Variants in SLIT2 observed in about 807,000 individuals in gnomAD.
SLIT2 encodes the protein slit homolog 2 protein.
SLIT2 carries 41 observed loss-of-function variants against 185.7 expected under a neutral mutation model. The ratio of observed to expected loss-of-function variants is 0.22; its 90% CI spans 0.17 to 0.29. The LOEUF (loss-of-function observed/expected upper bound fraction) is 0.29. Ranked by LOEUF, SLIT2 falls within the 10% of genes least tolerant of loss-of-function variation. The pLI, the probability that SLIT2 is intolerant of heterozygous loss-of-function variation, is 1.00. For synonymous variants in SLIT2, 693 were observed against 680.2 expected (o/e 1.02, Z -0.29); for missense variants, 1,571 against 1,909.0 (o/e 0.82, Z 3.30).
intron 4 of SLIT2, among the ~76,000 whole-genome samples, chr4:20,463,500 T>TGTGTGTGTGC (rs1323697561): frequency 8.1e-6 from 1 of 123,636 alleles, no homozygotes; most frequent in African/African-American, 3.0e-5. Flanking sequence ...TATGTGTGTG[T>TGTGTGTGTGC]GCGTATATCC....
chr4:20,263,740 T>C (rs1002735567), intron 3 of SLIT2, among the ~76,000 whole-genome samples: 8 of 151,906 alleles, frequency 5.3e-5, no homozygotes, highest in African/African-American at 1.9e-4. Context: ...ATAATCATTA[T>C]ATCTCATAGT....
chr4:20,274,570 G>A (rs16869465), intron 4 of SLIT2, among the ~76,000 whole-genome samples: 5,657 of 152,166 alleles, frequency 0.037, 271 homozygotes, highest in East Asian at 0.1. Flanking sequence ...CAGATCTAGT[G>A]TTGATGGTTT....
At chr4:20,461,534 C>CT (rs1054282667) in intron 4 of SLIT2, among the ~76,000 whole-genome samples, 12 of 152,094 alleles carry the variant, frequency 7.9e-5, no homozygotes, top group African/African-American at 2.4e-4. Flanking sequence ...AGATATGGCT[C>CT]TAAGAAGGCA....
Position 20,528,021 on chromosome 4 carries a change from C to A in SLIT2, c.1463-928C>A, listed in dbSNP as rs1048551947. 6.6e-6 allele frequency among the ~76,000 whole-genome samples: 1 copy of A among 152,032 alleles called. No homozygotes were observed. The highest frequency in any genetic ancestry group is 1.9e-4 in the East Asian group (1 of 5,168). ...CCTTGTAGCTCACCTTCAACTTCTTCCTGGATGTTGTTCCCGAAAGCTGTT... is the reference window on the plus strand; with the variant it reads ...CCTTGTAGCTCACCTTCAACTTCTTACTGGATGTTGTTCCCGAAAGCTGTT... On this transcript the variant is annotated intron_variant, in intron 15 of 36. Coordinates refer to ENST00000504154, the MANE Select transcript of SLIT2 (RefSeq NM_004787.4). This position sits in a 1 kb window ranked among gnomAD's most constrained non-coding sequence, Gnocchi z 4.2.
At chr4:20,541,334 A>G in intron 19 of SLIT2, 119 bp from the exon 20 acceptor site, 1 of 778,654 alleles carries the variant, frequency 1.3e-6, no homozygotes, top group African/African-American at 1.7e-5. Context: ...GGGACAGGGA[A>G]TGCAAAGAAG....
At chr4:20,558,434 A>G (rs1396803826) in intron 26 of SLIT2, among the ~76,000 whole-genome samples, 1 of 152,058 alleles carries the variant, frequency 6.6e-6, no homozygotes, top group African/African-American at 2.4e-5. Flanking sequence ...GATCATTCAC[A>G]TTTTTTAGCA....
At chr4:20,513,182 AC>A (rs1250849279) in intron 11 of SLIT2, among the ~76,000 whole-genome samples, 1 of 152,204 alleles carries the variant, frequency 6.6e-6, no homozygotes, top group Non-Finnish European at 1.5e-5. Context: ...CTTTATCTTT[AC>A]TTGCAGATAA....
intron 33 of SLIT2, 107 bp from the exon 34 acceptor site, chr4:20,609,906 G>GATTGCC: frequency 9.6e-7 from 1 of 1,044,700 alleles, no homozygotes; most frequent in East Asian, 2.6e-5. Context: ...ATTAGTGTTA[G>GATTGCC]ATTGCCATCT....
chr4:20,488,967 G>C lies in SLIT2; in HGVS notation c.760G>C (p.Glu254Gln), dbSNP rs760099561. 1 of 1,611,370 alleles carries C rather than the reference G, an allele frequency of 6.2e-7. No homozygotes were observed. The highest frequency in any genetic ancestry group is 1.1e-5 in the South Asian group (1 of 90,824). Residue 254 changes from glutamate to glutamine, a missense_variant, in exon 8 of 37, where the codon GAA becomes CAA. By Grantham distance (29) the Glu-to-Gln change is conservative (BLOSUM62 2). Coordinates refer to ENST00000504154, the MANE Select transcript of SLIT2 (RefSeq NM_004787.4). ...TAATGTAGCCGAGGTTCAAAAACGA[G>C]AATTTGTCTGCAGTGGTAAGGGAGA... ...GHNVAEVQKR[E>Q]FVCSGHQSFM...
chr4:20,590,970 G>A (rs10031950), intron 30 of SLIT2, among the ~76,000 whole-genome samples: 110,447 of 152,140 alleles, frequency 0.73, 40,593 homozygotes, highest in East Asian at 0.9. Context: ...TTGGTATTGT[G>A]TAGCAAATAG....
intron 29 of SLIT2, among the ~76,000 whole-genome samples, chr4:20,586,373 G>T (rs1308723609): frequency 4.6e-5 from 7 of 152,138 alleles, no homozygotes; most frequent in African/African-American, 7.2e-5. Context: ...ACAAGATAGA[G>T]CTCTTGCCTT....
At chr4:20,337,270 A>C (rs1015929417) in intron 4 of SLIT2, among the ~76,000 whole-genome samples, 2 of 152,184 alleles carry the variant, frequency 1.3e-5, no homozygotes, top group Non-Finnish European at 2.9e-5. Context: ...AGCAAGTGAC[A>C]TCTTACATGG....
intron 4 of SLIT2, among the ~76,000 whole-genome samples, chr4:20,432,243 C>G (rs1029434964): frequency 5.3e-5 from 8 of 152,112 alleles, no homozygotes; most frequent in African/African-American, 1.9e-4. Context: ...CTTTTTGTCT[C>G]TCTCTTTAAA....
At chr4:20,416,856 C>T (rs762958702) in intron 4 of SLIT2, among the ~76,000 whole-genome samples, 4 of 152,132 alleles carry the variant, frequency 2.6e-5, no homozygotes, top group Non-Finnish European at 5.9e-5. Flanking sequence ...TGTCCCTGTT[C>T]AGTTAAACAA....
intron 30 of SLIT2, among the ~76,000 whole-genome samples, chr4:20,590,889 T>C (rs1577983254): frequency 6.6e-6 from 1 of 152,236 alleles, no homozygotes. Flanking sequence ...CTAGGATTTA[T>C]ACTTACCAGT....
rs532246183 is a variant in SLIT2 at position 20,463,740 on chromosome 4, G to A, written c.396-4012G>A. Reference sequence around the variant, plus strand: ...ATACAAAAAAAATTAGCCGGGCTTGGTGGCGGGTGCCTGTAGTCCCAGCTA... The same window carrying A: ...ATACAAAAAAAATTAGCCGGGCTTGATGGCGGGTGCCTGTAGTCCCAGCTA... On this transcript the variant is annotated intron_variant, in intron 4 of 36. Coordinates refer to ENST00000504154, the MANE Select transcript of SLIT2 (RefSeq NM_004787.4). Among the ~76,000 whole-genome samples the A allele has an allele frequency of 1.2e-4, 18 of 150,986 alleles. 1 individual carries two copies. The East Asian group carries it at 3.3e-3, about 28-fold the overall frequency.
chr4:20,438,867 T>A (rs1042406425), intron 4 of SLIT2, among the ~76,000 whole-genome samples: 2 of 152,222 alleles, frequency 1.3e-5, no homozygotes. Flanking sequence ...TTTCCAGATG[T>A]CATCACTGCT....
chr4:20,331,029 G>T (rs187124509), intron 4 of SLIT2, among the ~76,000 whole-genome samples: 1 of 152,024 alleles, frequency 6.6e-6, no homozygotes, highest in African/African-American at 2.4e-5. Context: ...CTAAATTTCC[G>T]TATCTAACAA....
At chr4:20,408,985 GC>G (rs1726992895) in intron 4 of SLIT2, among the ~76,000 whole-genome samples, 1 of 142,194 alleles carries the variant, frequency 7.0e-6, no homozygotes, top group Admixed American at 7.3e-5. Context: ...ATATGCATTT[GC>G]ATGTAATTTC....
Sources: allele counts gnomAD v4.1 joint callset (sites outside exome capture counted in the v4.1 genomes callset), GRCh38; gene constraint gnomAD v4.1.1; non-coding constraint Gnocchi (gnomAD v3.1); transcripts MANE v1.5; gene names NCBI Gene and HGNC (gene_info 2026-07-23, HGNC 2026-07-21).